Variants in FGF14 observed in about 807,000 individuals in gnomAD.
The protein encoded by FGF14 is fibroblast growth factor homologous factor 4.
Under a neutral mutation model 25.5 loss-of-function variants are expected in FGF14, and 5 were observed. That is an observed-to-expected ratio of 0.20 (90% confidence interval 0.10 to 0.41). FGF14 has a LOEUF of 0.41. FGF14 is among the 10% of genes least tolerant of loss of function. FGF14 has a pLI of 1.00. For synonymous variants in FGF14, 138 were observed against 118.3 expected (o/e 1.17, Z -1.08); for missense variants, 222 against 320.1 (o/e 0.69, Z 2.34).
At chr13:101,973,783 C>G (rs6491658) in intron 1 of FGF14, among the ~76,000 whole-genome samples, 1 of 152,254 alleles carries the variant, frequency 6.6e-6, no homozygotes, top group African/African-American at 2.4e-5. Context: ...AAATGTTAAT[C>G]TCCTTTGGCA....
intron 1 of FGF14, among the ~76,000 whole-genome samples, chr13:101,949,990 GTTTTCT>G (rs1037223566): frequency 1.1e-4 from 17 of 152,086 alleles, no homozygotes; most frequent in African/African-American, 1.9e-4. Flanking sequence ...GATGAGGCAA[GTTTTCT>G]TTTTCTTTTT....
Position 102,161,573 on chromosome 13 carries a change from G to GAAGAAGAAGAAGA in FGF14, c.208+239897_208+239898insTCTTCTTCTTCTT, listed in dbSNP as rs1555369405. Reference sequence around the variant, plus strand: ...ATGCAACCAACTTTCTGTGAAGAAAGAAAGAAGAAGAAGAAGAAGAAGAAG... The same window carrying GAAGAAGAAGAAGA: ...ATGCAACCAACTTTCTGTGAAGAAAGAAGAAGAAGAAGAAAAGAAGAAGAAGAAGAAGAAGAAG... On this transcript the variant is annotated intron_variant, in intron 1 of 4. Transcript: ENST00000376131. Among the ~76,000 whole-genome samples the GAAGAAGAAGAAGA allele has an allele frequency of 1.5e-3, 8 of 5,486 alleles. 2 individuals carry two copies. Among genetic ancestry groups the GAAGAAGAAGAAGA allele is most frequent in the South Asian group, 8.6e-3 (1 of 116 alleles). 3.6% of individuals were successfully genotyped at this position (5,486 alleles called of 152,430 possible). A position where few individuals can be genotyped will look rare whatever the true frequency, so the allele number is the denominator to read the frequency against.
In FGF14 at chr13:102,254,538, A is replaced by T. The variant is rs142473835; in HGVS notation, c.208+146933T>A. On this transcript the variant is annotated intron_variant, in intron 1 of 4. Transcript: ENST00000376131. ...ATTCCTAAGAATTCTGATGGCCAGA[A>T]GCCCCTAGAAGACCTCCATTTGAGG... is the stretch of plus-strand genomic sequence containing the variant. Among the ~76,000 whole-genome samples, 54 of 152,304 alleles carry T rather than the reference A, an allele frequency of 3.5e-4. 1 individual carries two copies. The highest frequency in any genetic ancestry group is 1.2e-3 in the African/African-American group (49 of 41,576).
At chr13:102,276,833 T>C (rs896900439) in intron 1 of FGF14, among the ~76,000 whole-genome samples, 1 of 152,142 alleles carries the variant, frequency 6.6e-6, no homozygotes, top group African/African-American at 2.4e-5. Context: ...GAGTTAGAGA[T>C]TATGAGGCCT....
chr13:102,218,814 A>G (rs899335433), intron 1 of FGF14, among the ~76,000 whole-genome samples: 12 of 152,158 alleles, frequency 7.9e-5, no homozygotes, highest in African/African-American at 2.9e-4. Flanking sequence ...ATAAACCTGT[A>G]CACTCTTTTC....
chr13:102,345,495 C>A (rs1157372816), intron 1 of FGF14, among the ~76,000 whole-genome samples: 1 of 152,136 alleles, frequency 6.6e-6, no homozygotes, highest in East Asian at 1.9e-4. Flanking sequence ...CCATTCTTTC[C>A]TTTTTCCCTA....
chr13:101,872,887 A>G (rs2045184417), intron 2 of FGF14, among the ~76,000 whole-genome samples: 1 of 152,082 alleles, frequency 6.6e-6, no homozygotes, highest in South Asian at 2.1e-4. Flanking sequence ...TGTGGGCATT[A>G]TGATTTTCTT....
At chr13:101,777,908 G>A (rs1268052219) in intron 3 of FGF14, among the ~76,000 whole-genome samples, 3 of 152,052 alleles carry the variant, frequency 2.0e-5, no homozygotes, top group Non-Finnish European at 4.4e-5. Context: ...AGGTTGCAGT[G>A]AGCCGAGATC....
At chr13:101,796,221 T>C (rs541303550) in intron 3 of FGF14, among the ~76,000 whole-genome samples, 2 of 152,208 alleles carry the variant, frequency 1.3e-5, no homozygotes, top group African/African-American at 4.8e-5. Context: ...CTAAACCCAT[T>C]ACTAAAATTC....
chr13:102,071,813 C>G (rs933323043), intron 1 of FGF14, among the ~76,000 whole-genome samples: 1 of 152,012 alleles, frequency 6.6e-6, no homozygotes, highest in African/African-American at 2.4e-5. Context: ...ATATAGAGAT[C>G]TGGGCAATCG....
intron 1 of FGF14, among the ~76,000 whole-genome samples, chr13:102,396,207 G>A (rs2058579162): frequency 6.6e-6 from 1 of 152,134 alleles, no homozygotes; most frequent in South Asian, 2.1e-4. Flanking sequence ...TTTACAGGAG[G>A]TAAATAGTAT....
At chr13:101,808,288 C>A (rs534256197) in intron 3 of FGF14, among the ~76,000 whole-genome samples, 2 of 151,962 alleles carry the variant, frequency 1.3e-5, no homozygotes, top group Admixed American at 6.6e-5. Flanking sequence ...ATCTCTCATC[C>A]CTATTCCTTC....
At chr13:102,049,817 C>T (rs933252604) in intron 1 of FGF14, among the ~76,000 whole-genome samples, 2 of 152,040 alleles carry the variant, frequency 1.3e-5, no homozygotes, top group African/African-American at 4.8e-5. Context: ...GAGAGCTGTC[C>T]ACAATCCAAG....
At chr13:101,854,553 C>T (rs191167529) in intron 3 of FGF14, among the ~76,000 whole-genome samples, 88 of 152,206 alleles carry the variant, frequency 5.8e-4, no homozygotes, top group Middle Eastern at 3.4e-3. Flanking sequence ...AATGTAATCA[C>T]AATATCTGAA....
intron 3 of FGF14, among the ~76,000 whole-genome samples, chr13:101,728,394 T>C (rs2035582353): frequency 6.6e-6 from 1 of 152,242 alleles, no homozygotes; most frequent in South Asian, 2.1e-4. Flanking sequence ...AAATAAATGT[T>C]CTGGCTTTCT....
chr13:101,791,575 A>C (rs1441884396), intron 3 of FGF14, among the ~76,000 whole-genome samples: 1 of 152,126 alleles, frequency 6.6e-6, no homozygotes, highest in African/African-American at 2.4e-5. Flanking sequence ...CTTCCTTACA[A>C]GCAAGGAGAT....
At chr13:102,239,003 CAA>C (rs749900828) in intron 1 of FGF14, among the ~76,000 whole-genome samples, 1 of 151,516 alleles carries the variant, frequency 6.6e-6, no homozygotes, top group Non-Finnish European at 1.5e-5. Context: ...ATGGTGGACT[CAA>C]AAGACGATGG....
rs144209074 is a variant in FGF14, at chr13:102,349,799, T to C, written c.208+51672A>G. Among the ~76,000 whole-genome samples the C allele has an allele frequency of 7.5e-4, 114 of 152,316 alleles. 1 individual carries two copies. In the East Asian group the frequency reaches 0.02, roughly 27 times the overall value. On this transcript the variant is annotated intron_variant, in intron 1 of 4. Transcript: ENST00000376131. ...TAAAGTAGGACAAATTCTGGGAATA[T>C]GTACTTTCACTATATGGGAAATTGT...
intron 1 of FGF14, among the ~76,000 whole-genome samples, chr13:101,962,451 T>A (rs34692910): frequency 6.6e-6 from 1 of 152,098 alleles, no homozygotes. Context: ...AATTTTGATA[T>A]AATATTAGGA....
Sources: allele counts gnomAD v4.1 joint callset (sites outside exome capture counted in the v4.1 genomes callset), GRCh38; gene constraint gnomAD v4.1.1; transcripts MANE v1.5; gene names NCBI Gene and HGNC (gene_info 2026-07-23, HGNC 2026-07-21).